NDRG3: variants seen among roughly 807,000 people sequenced by gnomAD.
NDRG3 encodes the protein NDRG family member 3.
A neutral mutation model predicts 57.2 loss-of-function variants in NDRG3; 23 were observed. The ratio of observed to expected loss-of-function variants is 0.40; its 90% CI spans 0.29 to 0.57. NDRG3 has a LOEUF of 0.57. Among genes scored for constraint, NDRG3 ranks in the 20% least tolerant of loss-of-function variants. The pLI is 0.42. For synonymous variants in NDRG3, 132 were observed against 162.6 expected, an observed-to-expected ratio of 0.81 and a Z score of 1.43; for missense variants, 384 against 457.3, an observed-to-expected ratio of 0.84 and a Z score of 1.46.
chr20:36,666,055 A>G (rs79397184), intron 10 of NDRG3, among the ~76,000 whole-genome samples: 5,926 of 152,246 alleles, frequency 0.039, 385 homozygotes, highest in African/African-American at 0.13. Flanking sequence ...GAAAGAGCTA[A>G]AGAGACAAGG....
chr20:36,710,875 G>T (rs143786370), intron 2 of NDRG3, among the ~76,000 whole-genome samples: 1 of 151,488 alleles, frequency 6.6e-6, no homozygotes, highest in Non-Finnish European at 1.5e-5. Context: ...ATCTACTTGG[G>T]AGGCTCAGGC....
rs188906930 is a variant in NDRG3 at position 36,656,757 on chromosome 20, A to G, written c.859-225T>C. Among the ~76,000 whole-genome samples, 4 of 152,334 alleles carry G rather than the reference A, an allele frequency of 2.6e-5. No homozygotes were observed. In the East Asian group the frequency reaches 7.7e-4, roughly 29 times the overall value. ...CAATAAGACTGAAGCCCTGACTTTCAGGCCCATGGTGGGAATTTTCTGTTG... is the reference window on the plus strand; with the variant it reads ...CAATAAGACTGAAGCCCTGACTTTCGGGCCCATGGTGGGAATTTTCTGTTG... On this transcript the variant is annotated intron_variant, in intron 13 of 15. Coordinates refer to ENST00000349004, the MANE Select transcript of NDRG3 (RefSeq NM_032013.4).
intron 1 of NDRG3, among the ~76,000 whole-genome samples, chr20:36,724,740 C>A (rs994027189): frequency 2.0e-5 from 3 of 151,736 alleles, no homozygotes; most frequent in South Asian, 2.1e-4. Flanking sequence ...CCAGCCTGGT[C>A]AACATGGTGA....
intron 3 of NDRG3, among the ~76,000 whole-genome samples, chr20:36,699,629 C>T (rs889992235): frequency 6.6e-6 from 1 of 151,984 alleles, no homozygotes; most frequent in African/African-American, 2.4e-5. Flanking sequence ...TGGCTCTACG[C>T]ATAGCAGGAC....
At chr20:36,691,662 G>A (rs529005525) in intron 3 of NDRG3, among the ~76,000 whole-genome samples, 6 of 152,274 alleles carry the variant, frequency 3.9e-5, no homozygotes, top group African/African-American at 1.2e-4. Flanking sequence ...ACAGTGAGCC[G>A]AAATTGTGAC....
intron 5 of NDRG3, among the ~76,000 whole-genome samples, chr20:36,685,757 C>A (rs1981731329): frequency 6.6e-6 from 1 of 152,178 alleles, no homozygotes. Flanking sequence ...GCCTGTAATC[C>A]CAACACTTTC....
intron 5 of NDRG3, among the ~76,000 whole-genome samples, chr20:36,684,937 A>C (rs1283629680): frequency 6.6e-6 from 1 of 152,178 alleles, no homozygotes; most frequent in East Asian, 1.9e-4. Context: ...TGATTGTGGC[A>C]TATTGTGTAA....
intron 3 of NDRG3, among the ~76,000 whole-genome samples, chr20:36,696,764 T>A (rs1982828548): frequency 6.6e-6 from 1 of 152,200 alleles, no homozygotes. Flanking sequence ...GTGCTGGGAT[T>A]ACAGGCGTGA....
chr20:36,685,029 G>T (rs980583517), intron 5 of NDRG3, among the ~76,000 whole-genome samples: 3 of 152,040 alleles, frequency 2.0e-5, no homozygotes, highest in African/African-American at 7.2e-5. Flanking sequence ...GGGACCAGAG[G>T]GTGCCACATG....
In NDRG3 at chr20:36,666,363, G is replaced by A. The variant is rs371859056; in HGVS notation, c.618C>T (p.Ile206=). The A allele has an allele frequency of 1.1e-5, 17 of 1,613,936 alleles. No homozygotes were observed. Among genetic ancestry groups the A allele is most frequent in the African/African-American group, 1.3e-5 (1 of 74,914 alleles). The stretch of plus-strand genomic sequence containing the variant: ...GGGCAATATGCATTCTGTAGGTTTG[G>A]ATCAGGTCCAGGTTGGCCTGTAACT... The part of the protein sequence containing the change: ...QEELQANLDL[I]QTYRMHIAQD... The change falls in exon 10 of 16, where the codon ATC becomes ATT. Residue 206 remains isoleucine (I), a synonymous_variant. Transcript: ENST00000349004.
intron 1 of NDRG3, among the ~76,000 whole-genome samples, chr20:36,741,094 T>C (rs1985907639): frequency 6.6e-6 from 1 of 152,236 alleles, no homozygotes; most frequent in Non-Finnish European, 1.5e-5. Flanking sequence ...GATGCACCCC[T>C]TCCTTTCACC....
intron 2 of NDRG3, among the ~76,000 whole-genome samples, chr20:36,720,193 G>C (rs1469321785): frequency 1.3e-5 from 2 of 150,962 alleles, no homozygotes; most frequent in Non-Finnish European, 3.0e-5. Context: ...TTTTTTTTGA[G>C]CCAGAGTTTT....
At chr20:36,678,897 A>G (rs1980995076) in intron 8 of NDRG3, among the ~76,000 whole-genome samples, 1 of 152,204 alleles carries the variant, frequency 6.6e-6, no homozygotes, top group African/African-American at 2.4e-5. Context: ...ACTTTCACGC[A>G]CTGCTGTTGT....
chr20:36,663,368 C>G (rs189730817), intron 12 of NDRG3, among the ~76,000 whole-genome samples: 1 of 152,304 alleles, frequency 6.6e-6, no homozygotes, highest in East Asian at 1.9e-4. Flanking sequence ...GCTAGACTTC[C>G]TTTCCAAAAA....
At chr20:36,702,633 C>T (rs948527336) in intron 3 of NDRG3, among the ~76,000 whole-genome samples, 21 of 152,076 alleles carry the variant, frequency 1.4e-4, no homozygotes, top group African/African-American at 5.1e-4. Context: ...AAGCCATTCT[C>T]CTGTCTCAGC....
intron 2 of NDRG3, among the ~76,000 whole-genome samples, chr20:36,713,514 A>G (rs1984043939): frequency 6.6e-6 from 1 of 152,208 alleles, no homozygotes; most frequent in Non-Finnish European, 1.5e-5. Context: ...GTTTCCTAAC[A>G]TGAGATCTGG....
chr20:36,680,983 T>A (rs1981236677), intron 7 of NDRG3, 81 bp from the exon 8 acceptor site: 1 of 1,162,586 alleles, frequency 8.6e-7, no homozygotes, highest in Non-Finnish European at 1.3e-6. Context: ...GTTGATCAAT[T>A]CTTACTTACA....
chr20:36,737,198 A>C (rs916666421), intron 1 of NDRG3, among the ~76,000 whole-genome samples: 10 of 152,072 alleles, frequency 6.6e-5, no homozygotes, highest in Admixed American at 1.3e-4. Flanking sequence ...AATCCCAGAC[A>C]CCCATCGGCC....
intron 10 of NDRG3, 104 bp downstream of exon 10, chr20:36,666,185 G>T: frequency 1.2e-6 from 1 of 827,290 alleles, no homozygotes; most frequent in Non-Finnish European, 2.0e-6. Flanking sequence ...TTTTCACCTC[G>T]GAGAAGCTGG....
Sources: allele counts gnomAD v4.1 joint callset (sites outside exome capture counted in the v4.1 genomes callset), GRCh38; gene constraint gnomAD v4.1.1; transcripts MANE v1.5; gene names NCBI Gene and HGNC (gene_info 2026-07-23, HGNC 2026-07-21).